Variants in ZC3H12B observed in about 807,000 individuals in gnomAD.
The protein encoded by ZC3H12B is probable ribonuclease ZC3H12B.
A neutral mutation model predicts 43.9 loss-of-function variants in ZC3H12B; 7 were observed. That is an observed-to-expected ratio of 0.16 (90% confidence interval 0.09 to 0.30). The LOEUF is 0.30. Among genes scored for constraint, ZC3H12B ranks in the 10% least tolerant of loss-of-function variants. The pLI, the probability that ZC3H12B is intolerant of heterozygous loss-of-function variation, is 1.00. For missense variants in ZC3H12B, 475 were observed against 670.2 expected (o/e 0.71, Z 3.22); for synonymous variants, 222 against 241.7 (o/e 0.92, Z 0.76).
the ZC3H12B span, among the ~76,000 whole-genome samples, chrX:65,147,689 T>C: frequency 9.0e-6 from 1 of 111,367 alleles, no homozygotes; most frequent in Non-Finnish European, 1.9e-5. Context: ...GCCTAGAGCC[T>C]GAGTCATCAG....
chrX:65,121,572 T>C, the ZC3H12B span, among the ~76,000 whole-genome samples: 1 of 111,531 alleles, frequency 9.0e-6, no homozygotes, highest in Non-Finnish European at 1.9e-5. Flanking sequence ...TAGCAGTCTA[T>C]CAATTTTGTT....
intron 3 of ZC3H12B, chrX:65,408,159 T>C: frequency 2.5e-6 from 3 of 1,201,429 alleles, no homozygotes; most frequent in Admixed American, 2.2e-5. Context: ...GCGGAGTCCC[T>C]GGACCGGATT....
At chrX:65,302,075 A>T in the ZC3H12B span, among the ~76,000 whole-genome samples, 1 of 111,659 alleles carries the variant, frequency 9.0e-6, no homozygotes, top group Middle Eastern at 4.6e-3. Flanking sequence ...AATATACTTA[A>T]TGGGAAGAAA....
the ZC3H12B span, among the ~76,000 whole-genome samples, chrX:65,151,976 A>G: frequency 3.0e-4 from 34 of 112,232 alleles, no homozygotes; most frequent in African/African-American, 9.7e-4. Flanking sequence ...ACCAATGACA[A>G]AAAACACATG....
chrX:65,479,614 C>T (rs927664715), intron 3 of ZC3H12B, among the ~76,000 whole-genome samples: 24 of 111,346 alleles, frequency 2.2e-4, no homozygotes, highest in Non-Finnish European at 4.5e-4. Flanking sequence ...GTGATCTGCC[C>T]GCCTCGGCCT....
At chrX:65,466,370 A>T (rs2067817760) in intron 3 of ZC3H12B, among the ~76,000 whole-genome samples, 1 of 110,604 alleles carries the variant, frequency 9.0e-6, no homozygotes, top group Non-Finnish European at 1.9e-5. Flanking sequence ...TCCATTATAT[A>T]TCTCACATCT....
chrX:65,202,806 G>A, the ZC3H12B span, among the ~76,000 whole-genome samples: 1 of 111,251 alleles, frequency 9.0e-6, no homozygotes, highest in Non-Finnish European at 1.9e-5. Context: ...GGTGAAGCCA[G>A]CTAGCCTTGT....
chrX:65,328,991 T>C, the ZC3H12B span, among the ~76,000 whole-genome samples: 2 of 110,432 alleles, frequency 1.8e-5, no homozygotes, highest in East Asian at 5.8e-4. Context: ...CTATTGTGAA[T>C]AGTGCTGCAA....
intron 3 of ZC3H12B, among the ~76,000 whole-genome samples, chrX:65,472,980 A>ATATATATATATATATATG (rs1443796080): frequency 3.9e-5 from 3 of 77,650 alleles, no homozygotes; most frequent in Non-Finnish European, 6.2e-5. Flanking sequence ...GTGTGTGTAT[A>ATATATATATATATATATG]TATATATATA....
At chrX:65,052,590 G>A in the ZC3H12B span, among the ~76,000 whole-genome samples, 1 of 110,996 alleles carries the variant, frequency 9.0e-6, no homozygotes, top group African/African-American at 3.3e-5. Flanking sequence ...TTCCATCTAT[G>A]TCACTGCAGA....
At chrX:65,110,807 A>G in the ZC3H12B span, among the ~76,000 whole-genome samples, 1 of 111,452 alleles carries the variant, frequency 9.0e-6, no homozygotes, top group East Asian at 2.8e-4. Flanking sequence ...TTAAGTCTGT[A>G]TATTTATTTA....
intron 3 of ZC3H12B, among the ~76,000 whole-genome samples, chrX:65,478,174 C>G (rs1000708013): frequency 9.0e-6 from 1 of 111,448 alleles, no homozygotes; most frequent in Non-Finnish European, 1.9e-5. Context: ...TCAGGTAAGC[C>G]TGACATCTGG....
the ZC3H12B span, chrX:65,271,011 T>C: frequency 8.9e-6 from 1 of 112,563 alleles, no homozygotes; most frequent in African/African-American, 3.2e-5. Context: ...CTAATGCTCT[T>C]AGAACAAGCT....
At chrX:65,197,461 C>T in the ZC3H12B span, among the ~76,000 whole-genome samples, 4 of 111,969 alleles carry the variant, frequency 3.6e-5, no homozygotes, top group South Asian at 1.5e-3. Flanking sequence ...TATCTGTCTC[C>T]AAATTCAATT....
chrX:65,130,073 T>G, the ZC3H12B span, among the ~76,000 whole-genome samples: 1 of 110,443 alleles, frequency 9.1e-6, no homozygotes, highest in Non-Finnish European at 1.9e-5. Context: ...CTCAAGGGGG[T>G]TTAGTGTGAT....
chrX:65,258,215 C>T, the ZC3H12B span, among the ~76,000 whole-genome samples: 1 of 111,499 alleles, frequency 9.0e-6, no homozygotes, highest in African/African-American at 3.3e-5. Context: ...AAAGCTAATC[C>T]ACCACAATCA....
At chrX:65,174,452 T>C in the ZC3H12B span, among the ~76,000 whole-genome samples, 1 of 111,952 alleles carries the variant, frequency 8.9e-6, no homozygotes, top group African/African-American at 3.2e-5. Flanking sequence ...AGCAGGAATG[T>C]TTAAGTCCAC....
At chrX:65,129,230 C>A in the ZC3H12B span, among the ~76,000 whole-genome samples, 2 of 91,641 alleles carry the variant, frequency 2.2e-5, no homozygotes, top group Non-Finnish European at 3.9e-5. Context: ...TTTAATGGCT[C>A]TATTATATAT....
the ZC3H12B span, among the ~76,000 whole-genome samples, chrX:65,144,142 G>A: frequency 9.0e-6 from 1 of 111,166 alleles, no homozygotes; most frequent in African/African-American, 3.3e-5. Context: ...GGATTTTTTT[G>A]TTGGTAATGT....
Sources: allele counts gnomAD v4.1 joint callset (sites outside exome capture counted in the v4.1 genomes callset), GRCh38; gene constraint gnomAD v4.1.1; transcripts MANE v1.5; gene names NCBI Gene and HGNC (gene_info 2026-07-23, HGNC 2026-07-21).